Variants in DTNB observed in about 807,000 individuals in gnomAD.
DTNB encodes the protein DTN-B.
DTNB carries 63 observed loss-of-function variants against 90.7 expected under a neutral mutation model. That is an observed-to-expected ratio of 0.69 (90% CI 0.57 to 0.86). The LOEUF (loss-of-function observed/expected upper bound fraction) is 0.86, where lower values mean the gene tolerates loss of function less well. Ranked by LOEUF, DTNB falls within the 40% of genes least tolerant of loss-of-function variation. The pLI is 0.00. For synonymous variants in DTNB, 277 were observed against 286.7 expected, an observed-to-expected ratio of 0.97 and a Z score of 0.34; for missense variants, 744 against 807.1, an observed-to-expected ratio of 0.92 and a Z score of 0.95.
At chr2:25,622,287 C>T (rs1432572311) in intron 4 of DTNB, among the ~76,000 whole-genome samples, 9 of 152,110 alleles carry the variant, frequency 5.9e-5, no homozygotes, top group Non-Finnish European at 1.3e-4. Flanking sequence ...AGTTTGAGAC[C>T]AGCCTAGCCA....
At position 25,661,537 on chromosome 2, in the gene DTNB, G is replaced by C. The variant is rs183486844; in HGVS notation, c.-1-8876C>G. Among the ~76,000 whole-genome samples the C allele has an allele frequency of 3.2e-3, 492 of 152,320 alleles. 1 individual carries two copies. Among genetic ancestry groups the C allele is most frequent in the Admixed American group, 5.5e-3 (84 of 15,302 alleles). ...TACAAATCAGGACAGCGATTGCTTT[G>C]GGGGGAAAGGAAGGGGCTATGACTG... is the stretch of plus-strand genomic sequence containing the variant. On this transcript the variant is annotated intron_variant, in intron 1 of 20. Coordinates refer to ENST00000406818, the MANE Select transcript of DTNB (RefSeq NM_021907.5).
intron 9 of DTNB, among the ~76,000 whole-genome samples, chr2:25,504,578 AAAG>A (rs1336605585): frequency 7.3e-5 from 11 of 150,600 alleles, no homozygotes; most frequent in Admixed American, 4.0e-4. Flanking sequence ...GAAAGAAAGA[AAAG>A]AAAAGAAAGA....
chr2:25,524,775 A>C (rs1052383046), intron 9 of DTNB, among the ~76,000 whole-genome samples: 3 of 152,108 alleles, frequency 2.0e-5, no homozygotes, highest in African/African-American at 7.2e-5. Context: ...ACACCATCGA[A>C]CCACTGCCCA....
At chr2:25,589,403 T>C (rs1485024802) in intron 6 of DTNB, among the ~76,000 whole-genome samples, 9 of 124,522 alleles carry the variant, frequency 7.2e-5, no homozygotes, top group South Asian at 2.6e-4. Flanking sequence ...TTTTTTGAGA[T>C]GGAGTCTCAC....
chr2:25,384,478 T>C (rs1260185527), intron 18 of DTNB, among the ~76,000 whole-genome samples: 4 of 152,044 alleles, frequency 2.6e-5, no homozygotes, highest in African/African-American at 9.7e-5. Context: ...GAGAGCAGGG[T>C]GCTGGGCCCT....
intron 9 of DTNB, among the ~76,000 whole-genome samples, chr2:25,524,668 A>G (rs747461): frequency 6.6e-6 from 1 of 152,084 alleles, no homozygotes; most frequent in South Asian, 2.1e-4. Context: ...CAAAGCACAG[A>G]AGAATGGCTC....
At chr2:25,501,257 G>C (rs2070618483) in intron 9 of DTNB, among the ~76,000 whole-genome samples, 1 of 151,386 alleles carries the variant, frequency 6.6e-6, no homozygotes, top group African/African-American at 2.4e-5. Context: ...CTGTCACCTA[G>C]GCTTGAGTGC....
At chr2:25,418,692 C>T (rs2048567353) in intron 16 of DTNB, among the ~76,000 whole-genome samples, 2 of 149,896 alleles carry the variant, frequency 1.3e-5, no homozygotes, top group African/African-American at 4.9e-5. Flanking sequence ...GAGCGAGACA[C>T]CGTCTCAAAA....
At chr2:25,528,290 C>A (rs972999491) in intron 9 of DTNB, among the ~76,000 whole-genome samples, 3 of 152,144 alleles carry the variant, frequency 2.0e-5, no homozygotes, top group African/African-American at 7.2e-5. Flanking sequence ...ATAGTTTCTA[C>A]AAAACCTACA....
intron 9 of DTNB, among the ~76,000 whole-genome samples, chr2:25,503,079 A>C (rs2071241038): frequency 7.0e-6 from 1 of 143,188 alleles, no homozygotes. Flanking sequence ...AAAAAAAAAA[A>C]AAAAAAAAAA....
rs1573321094 is a variant in DTNB at position 25,607,270 on chromosome 2, G to T, written c.414C>A (p.Thr138=). ...TGTCCAGCATTTTTCCACCACACAT[G>T]GTTGCTAACATAGCTTTAACTGAAA... ...TVFSVKAMLA[T]MCGGKMLDKL... The change falls in exon 5 of 21, where the codon ACC becomes ACA. Residue 138 remains threonine, a synonymous_variant. Transcript: ENST00000406818. 6.2e-7 allele frequency: 1 copy of T among 1,607,396 alleles called. No individual in the cohort carries two copies. The highest frequency in any genetic ancestry group is 1.7e-4 in the Middle Eastern group (1 of 6,056).
chr2:25,576,221 G>GTTTTT (rs57969480), intron 8 of DTNB, among the ~76,000 whole-genome samples: 576 of 97,190 alleles, frequency 5.9e-3, no homozygotes, highest in Non-Finnish European at 9.2e-3. Context: ...GAACAGTTTT[G>GTTTTT]TTTTTTTTTT....
At chr2:25,636,681 T>C (rs970380668) in intron 3 of DTNB, among the ~76,000 whole-genome samples, 15 of 152,280 alleles carry the variant, frequency 9.9e-5, no homozygotes, top group East Asian at 3.9e-4. Flanking sequence ...CACAAACACA[T>C]AGATACATCC....
intron 16 of DTNB, among the ~76,000 whole-genome samples, chr2:25,407,925 T>TA (rs982006131): frequency 6.6e-6 from 1 of 151,942 alleles, no homozygotes; most frequent in African/African-American, 2.4e-5. Context: ...GCTGTTGTAA[T>TA]AAAAAAAATA....
chr2:25,502,915 G>A (rs1171780840), intron 9 of DTNB, among the ~76,000 whole-genome samples: 2 of 148,640 alleles, frequency 1.3e-5, no homozygotes, highest in Admixed American at 1.3e-4. Context: ...TCAGCAGGGT[G>A]TGGTGGCATG....
intron 14 of DTNB, among the ~76,000 whole-genome samples, chr2:25,430,506 C>A (rs1454375817): frequency 6.6e-6 from 1 of 151,704 alleles, no homozygotes; most frequent in East Asian, 1.9e-4. Context: ...GAGAACGATC[C>A]TAAAGGCTAA....
chr2:25,670,569 CACAGAGTGTGCACTACACAA>C (rs1559460411), intron 1 of DTNB, among the ~76,000 whole-genome samples: 1 of 152,184 alleles, frequency 6.6e-6, no homozygotes, highest in East Asian at 1.9e-4. Context: ...CACACAGTCA[CACAGAGTGTGCACTACACAA>C]CTCCAGCAGC....
At chr2:25,630,815 G>T (rs2075511873) in intron 3 of DTNB, among the ~76,000 whole-genome samples, 1 of 128,088 alleles carries the variant, frequency 7.8e-6, no homozygotes, top group African/African-American at 3.0e-5. Flanking sequence ...CTGCACTCCA[G>T]CCTGGGCAAC....
chr2:25,665,426 A>C (rs2084188942), intron 1 of DTNB, among the ~76,000 whole-genome samples: 1 of 152,180 alleles, frequency 6.6e-6, no homozygotes, highest in Non-Finnish European at 1.5e-5. Context: ...GGAGATGGAG[A>C]CCATCCTGGC....
Sources: allele counts gnomAD v4.1 joint callset (sites outside exome capture counted in the v4.1 genomes callset), GRCh38; gene constraint gnomAD v4.1.1; transcripts MANE v1.5; gene names NCBI Gene and HGNC (gene_info 2026-07-23, HGNC 2026-07-21).